Variants in PRKG1 observed in about 807,000 individuals in gnomAD.
PRKG1 encodes the protein protein kinase cGMP-dependent 1, also known as cGMP-dependent protein kinase 1.
Under a neutral mutation model 88.1 loss-of-function variants are expected in PRKG1, and 35 were observed. That is an observed-to-expected ratio of 0.40 (90% CI 0.30 to 0.53). The LOEUF (loss-of-function observed/expected upper bound fraction) is 0.53, where lower values mean the gene tolerates loss of function less well. PRKG1 is among the 20% of genes least tolerant of loss of function. The pLI is 0.59. For missense variants in PRKG1, 540 were observed against 839.8 expected (o/e 0.64, Z 4.41); for synonymous variants, 303 against 292.5 (o/e 1.04, Z -0.37).
chr10:51,512,125 G>A (rs1268111640), intron 3 of PRKG1, among the ~76,000 whole-genome samples: 2 of 151,126 alleles, frequency 1.3e-5, no homozygotes, highest in Non-Finnish European at 2.9e-5. Flanking sequence ...GAAAGAGGGT[G>A]GTGGTAGGAC....
chr10:51,465,994 G>A (rs1839896263), intron 2 of PRKG1, among the ~76,000 whole-genome samples: 2 of 152,212 alleles, frequency 1.3e-5, no homozygotes, highest in African/African-American at 4.8e-5. Context: ...ATTTCACTGA[G>A]GCAAAGAGAA....
Position 51,416,420 on chromosome 10 carries a change from C to G in PRKG1, c.479-51303C>G, listed in dbSNP as rs112567604. The stretch of plus-strand genomic sequence containing the variant: ...ATAATGAAAACTTCTGGATCTTGAT[C>G]AGAAACAATTAGATTTCTCTCAAAA... On this transcript the variant is annotated intron_variant, in intron 2 of 17. Transcript: ENST00000373980. Among the ~76,000 whole-genome samples, 534 of 152,200 alleles carry G rather than the reference C, an allele frequency of 3.5e-3. 3 individuals are homozygous for G. Among genetic ancestry groups the G allele is most frequent in the African/African-American group, 0.012 (512 of 41,524 alleles).
chr10:51,705,879 C>T (rs543359796), intron 3 of PRKG1, among the ~76,000 whole-genome samples: 71 of 152,138 alleles, frequency 4.7e-4, no homozygotes, highest in Non-Finnish European at 9.1e-4. Flanking sequence ...TACTAAGTGG[C>T]ATAACGACAA....
intron 2 of PRKG1, among the ~76,000 whole-genome samples, chr10:51,258,757 A>G (rs1839628832): frequency 6.6e-6 from 1 of 152,234 alleles, no homozygotes; most frequent in African/African-American, 2.4e-5. Context: ...GTGGTTATTA[A>G]TATTACTGTC....
intron 9 of PRKG1, among the ~76,000 whole-genome samples, chr10:52,202,139 T>TA (rs913438782): frequency 4.6e-5 from 7 of 152,260 alleles, no homozygotes; most frequent in African/African-American, 1.7e-4. Context: ...GTTCCAGTTC[T>TA]CAAGGGGAAT....
chr10:51,354,910 A>G (rs753501738), intron 2 of PRKG1, among the ~76,000 whole-genome samples: 1 of 152,042 alleles, frequency 6.6e-6, no homozygotes, highest in Non-Finnish European at 1.5e-5. Flanking sequence ...TCAGATGCTG[A>G]CAGTTATAGG....
At chr10:51,919,470 A>G (rs1284494285) in intron 5 of PRKG1, among the ~76,000 whole-genome samples, 2 of 151,990 alleles carry the variant, frequency 1.3e-5, no homozygotes, top group Non-Finnish European at 2.9e-5. Context: ...AAAAATTATT[A>G]TTTTAATAAA....
chr10:51,533,595 C>T (rs199861965), intron 3 of PRKG1, among the ~76,000 whole-genome samples: 7 of 142,918 alleles, frequency 4.9e-5, no homozygotes, highest in African/African-American at 1.0e-4. Flanking sequence ...CAGAAATCAG[C>T]GAACAATTCA....
chr10:51,206,770 T>G (rs1162547336), intron 2 of PRKG1, among the ~76,000 whole-genome samples: 1 of 152,162 alleles, frequency 6.6e-6, no homozygotes, highest in East Asian at 1.9e-4. Flanking sequence ...TTTCAGAAAC[T>G]GAAACTCAAC....
chr10:52,281,428 T>C lies in PRKG1; in HGVS notation c.1545+498T>C, dbSNP rs1452937650. 2.5e-4 allele frequency among the ~76,000 whole-genome samples: 34 copies of C among 138,084 alleles called. No individual in the cohort carries two copies. The Admixed American group carries it at 2.6e-3, about 10-fold the overall frequency. The allele number at this position is 138,084 out of a possible 152,430, so 90.6% of individuals were successfully genotyped here. A position where few individuals can be genotyped will look rare whatever the true frequency, so the allele number is the denominator to read the frequency against. On this transcript the variant is annotated intron_variant, in intron 13 of 17. Transcript: ENST00000373980. Reference sequence around the variant, plus strand: ...GAAGAGAAGTTCTTTTATTTACAAATGCACAACTTTTGTTGGATCTGTTAA... The same window carrying C: ...GAAGAGAAGTTCTTTTATTTACAAACGCACAACTTTTGTTGGATCTGTTAA...
intron 3 of PRKG1, among the ~76,000 whole-genome samples, chr10:51,573,807 G>A (rs1047997485): frequency 6.6e-6 from 1 of 151,788 alleles, no homozygotes; most frequent in African/African-American, 2.4e-5. Flanking sequence ...ACCAAAATGA[G>A]CACCCGTGCC....
At chr10:52,049,073 T>C (rs768811264) in intron 5 of PRKG1, among the ~76,000 whole-genome samples, 40 of 152,178 alleles carry the variant, frequency 2.6e-4, no homozygotes, top group Non-Finnish European at 4.9e-4. Flanking sequence ...GGCTTTGCTG[T>C]GGTTTGCAGC....
chr10:51,376,051 T>C (rs1277204921), intron 2 of PRKG1, among the ~76,000 whole-genome samples: 2 of 152,144 alleles, frequency 1.3e-5, no homozygotes, highest in African/African-American at 4.8e-5. Context: ...CGACAAGAGG[T>C]TATGCTCAAC....
chr10:51,922,229 G>A (rs1227388044), intron 5 of PRKG1, among the ~76,000 whole-genome samples: 1 of 151,394 alleles, frequency 6.6e-6, no homozygotes, highest in South Asian at 2.1e-4. Context: ...ATGTCCATAG[G>A]ATCAGTAGTG....
At chr10:51,108,207 C>G (rs948468380) in intron 1 of PRKG1, among the ~76,000 whole-genome samples, 4 of 152,006 alleles carry the variant, frequency 2.6e-5, no homozygotes, top group African/African-American at 9.7e-5. Flanking sequence ...TGTACACACT[C>G]TTACAGAAAA....
intron 5 of PRKG1, among the ~76,000 whole-genome samples, chr10:51,968,405 G>C (rs1183928985): frequency 6.6e-6 from 1 of 152,096 alleles, no homozygotes; most frequent in Non-Finnish European, 1.5e-5. Context: ...AGGAATGGGG[G>C]AGAAGAAGAG....
chr10:51,463,624 T>C (rs1427196140), intron 2 of PRKG1, among the ~76,000 whole-genome samples: 1 of 152,222 alleles, frequency 6.6e-6, no homozygotes, highest in Non-Finnish European at 1.5e-5. Flanking sequence ...CGCAGAAAGC[T>C]TTTATTATTC....
chr10:52,291,704 A>T (rs1017324313), intron 17 of PRKG1, among the ~76,000 whole-genome samples: 1 of 151,982 alleles, frequency 6.6e-6, no homozygotes, highest in African/African-American at 2.4e-5. Context: ...ATAGTGCCGC[A>T]ATAAACATAC....
intron 1 of PRKG1, among the ~76,000 whole-genome samples, chr10:51,063,472 A>T (rs937857951): frequency 4.6e-5 from 7 of 152,194 alleles, no homozygotes; most frequent in African/African-American, 1.4e-4. Flanking sequence ...GTGTATCTAA[A>T]CATATCTAAA....
Sources: allele counts gnomAD v4.1 joint callset (sites outside exome capture counted in the v4.1 genomes callset), GRCh38; gene constraint gnomAD v4.1.1; transcripts MANE v1.5; gene names NCBI Gene and HGNC (gene_info 2026-07-23, HGNC 2026-07-21).